The following DMBT1 variants were observed in gnomAD, a reference collection of about 807,000 sequenced individuals.
DMBT1 encodes the protein scavenger receptor cysteine-rich domain-containing protein DMBT1.
Under a neutral mutation model 252.9 loss-of-function variants are expected in DMBT1, and 198 were observed. The observed-to-expected ratio is 0.78, with a 90% confidence interval of 0.70 to 0.88. The LOEUF is 0.88. Ranked by LOEUF, DMBT1 falls within the 40% of genes least tolerant of loss-of-function variation. The probability of loss-of-function intolerance (pLI) is 0.00; values close to 1 mark genes in which losing one functional copy is unlikely to be tolerated. For synonymous variants in DMBT1, 990 were observed against 942.7 expected, an observed-to-expected ratio of 1.05 and a Z score of -0.92; for missense variants, 2,432 against 2,404.7, an observed-to-expected ratio of 1.01 and a Z score of -0.24.
At chr10:122,633,084 G>A in intron 51 of DMBT1, 107 bp from the exon 52 acceptor site, 1 of 1,502,610 alleles carries the variant, frequency 6.7e-7, no homozygotes, top group Non-Finnish European at 8.9e-7. Flanking sequence ...TCTGTCTTGG[G>A]AATTATTTTA....
chr10:122,584,185 A>G lies in DMBT1; in HGVS notation c.1391-137A>G, dbSNP rs1430435816. On this transcript the variant is annotated intron_variant, in intron 13 of 55. Transcript: ENST00000338354. Reference sequence around the variant, plus strand: ...CTCCAAGGAGCATCTCTGTGGGGACATGCATGGCAATGCCCTCCCTCTGTG... The same window carrying G: ...CTCCAAGGAGCATCTCTGTGGGGACGTGCATGGCAATGCCCTCCCTCTGTG... 2.7e-3 allele frequency: 560 copies of G among 208,084 alleles called. 18 individuals carry two copies. In the African/African-American group the frequency reaches 0.038, roughly 14 times the overall value. 12.9% of individuals were successfully genotyped at this position (208,084 alleles called of 1,614,324 possible). A position where few individuals can be genotyped will look rare whatever the true frequency, so the allele number is the denominator to read the frequency against.
chr10:122,590,721 A>T (rs901824765), intron 18 of DMBT1, 27 bp downstream of exon 18: 1 of 1,583,344 alleles, frequency 6.3e-7, no homozygotes, highest in Non-Finnish European at 8.6e-7. Flanking sequence ...CTTCCTTGGG[A>T]TGTCCCTTTT....
rs1218731073 is a variant in DMBT1 at position 122,598,785 on chromosome 10, A to C, written c.2968A>C (p.Ser990Arg). ...GTGTTCCCCTGTAGGATCTGAATCCAGTTTGGCCCTGAGGCTGGTGAATGG... is the reference window on the plus strand; with the variant it reads ...GTGTTCCCCTGTAGGATCTGAATCCCGTTTGGCCCTGAGGCTGGTGAATGG... ...LPASTVGSES[S>R]LALRLVNGGD... The change falls in exon 26 of 56, where the codon AGT (serine) becomes CGT (arginine). Residue 990 changes from serine (S) to arginine (R), a missense_variant. By Grantham distance (110) the Ser-to-Arg change is moderately radical. Coordinates refer to ENST00000338354, the MANE Select transcript of DMBT1 (RefSeq NM_001377530.1). The C allele has an allele frequency of 6.2e-7, 1 of 1,613,104 alleles. No individual in the cohort carries two copies. The highest frequency in any genetic ancestry group is 2.2e-5 in the East Asian group (1 of 44,884).
chr10:122,585,232 C>T (rs923522573), intron 14 of DMBT1, 39 bp from the exon 15 acceptor site: 4 of 1,580,450 alleles, frequency 2.5e-6, no homozygotes, highest in Non-Finnish European at 3.5e-6. Flanking sequence ...TTTTCACCAT[C>T]AACTTTAATT....
chr10:122,630,525 G>T (rs770722141), intron 48 of DMBT1, 35 bp downstream of exon 48: 8 of 1,603,276 alleles, frequency 5.0e-6, no homozygotes, highest in Non-Finnish European at 6.8e-6. Context: ...ATGAGGCTTG[G>T]TGGATTTACC....
At chr10:122,617,712 C>T (rs557111358) in intron 40 of DMBT1, among the ~76,000 whole-genome samples, 1 of 151,790 alleles carries the variant, frequency 6.6e-6, no homozygotes, top group East Asian at 2.0e-4. Flanking sequence ...CATGGGCCTG[C>T]TCTCTGGAGC....
chr10:122,591,439 C>T (rs1207212399), intron 18 of DMBT1, 40 bp from the exon 19 acceptor site: 1 of 1,569,676 alleles, frequency 6.4e-7, no homozygotes, highest in South Asian at 1.2e-5. Flanking sequence ...TTTTCTCCCT[C>T]AACTTTAATT....
intron 15 of DMBT1, 133 bp downstream of exon 15, chr10:122,585,442 G>T: frequency 1.6e-6 from 2 of 1,219,028 alleles, no homozygotes; most frequent in Non-Finnish European, 1.2e-6. Context: ...ATGGGAGGAA[G>T]GTAGAGTCTC....
rs373485754 is a variant in DMBT1, at chr10:122,643,169, G to A, written c.7400G>A (p.Arg2467His). 6.2e-5 allele frequency: 100 copies of A among 1,613,814 alleles called. No individual in the cohort carries two copies. The highest frequency in any genetic ancestry group is 1.0e-4 in the Admixed American group (6 of 59,994). The change falls in exon 56 of 56, where the codon CGC becomes CAC. Residue 2467 changes from arginine to histidine, a missense_variant. Coordinates refer to ENST00000338354, the MANE Select transcript of DMBT1 (RefSeq NM_001377530.1). Reference sequence around the variant, plus strand: ...GGACCCTACTCCTCGCCATCTCTTCGCATTGCCCGCTTCCGGTTCAGGGCC... The same window carrying A: ...GGACCCTACTCCTCGCCATCTCTTCACATTGCCCGCTTCCGGTTCAGGGCC... The part of the protein sequence containing the change: ...TYGPYSSPSL[R>H]IARFRFRAFH...
rs2097688417 is a variant in DMBT1, at chr10:122,573,869, G to T, written c.283+107G>T. The T allele has an allele frequency of 9.3e-6, 13 of 1,401,894 alleles. No individual in the cohort carries two copies. The South Asian group carries it at 1.3e-4, about 14-fold the overall frequency. The allele number at this position is 1,401,894 out of a possible 1,614,324, so 86.8% of individuals were successfully genotyped here. A position where few individuals can be genotyped will look rare whatever the true frequency, so the allele number is the denominator to read the frequency against. ...GAGGGCATAGAAAGTAGGGTGCTTA[G>T]CTCCCACGAGGGGCCCTTCCACAAA... is the stretch of plus-strand genomic sequence containing the variant. On this transcript the variant is annotated intron_variant, in intron 6 of 55. Transcript: ENST00000338354.
In DMBT1 at chr10:122,593,558, CT is replaced by C. The variant is rs755663192; in HGVS notation, c.2501-8del. ...TGTTCCTGATCTGACCTTCTCTTCT[CT>C]TTCTCACAGTTTCCCAGTCCCGGCC... On this transcript the variant is annotated splice_polypyrimidine_tract_variant and intron_variant, in intron 20 of 55. Coordinates refer to ENST00000338354, the MANE Select transcript of DMBT1 (RefSeq NM_001377530.1). 6.3e-7 allele frequency: 1 copy of C among 1,586,526 alleles called. No individual in the cohort carries two copies. The highest frequency in any genetic ancestry group is 8.6e-7 in the Non-Finnish European group (1 of 1,164,888).
At chr10:122,585,929 T>TTATTCA in intron 15 of DMBT1, 131 bp from the exon 16 acceptor site, 3 of 1,497,178 alleles carry the variant, frequency 2.0e-6, no homozygotes, top group Non-Finnish European at 2.7e-6. Context: ...ATCTCTGGTT[T>TTATTCA]TATTCATATT....
At chr10:122,625,149 A>G (rs879115383) in intron 44 of DMBT1, 128 bp from the exon 45 acceptor site, 2 of 855,548 alleles carry the variant, frequency 2.3e-6, no homozygotes, top group Non-Finnish European at 3.9e-6. Context: ...TATATCTACT[A>G]TTCCACTCTC....
rs573705971 is a variant in DMBT1 at position 122,600,201 on chromosome 10, T to C, written c.3310+108T>C. 83 of 1,431,502 alleles carry C rather than the reference T, an allele frequency of 5.8e-5. 8 individuals are homozygous for C. The African/African-American group carries it at 8.2e-4, about 14-fold the overall frequency. 88.7% of individuals were successfully genotyped at this position (1,431,502 alleles called of 1,614,324 possible). ...TTCTCTGTGTGGATACTGTGGGGCA[T>C]ATTATTTCTACCCCCAACACCAGTT... is the stretch of plus-strand genomic sequence containing the variant. On this transcript the variant is annotated intron_variant, in intron 27 of 55. Transcript: ENST00000338354.
At chr10:122,574,010 G>A (rs187793854) in intron 6 of DMBT1, among the ~76,000 whole-genome samples, 1 of 152,162 alleles carries the variant, frequency 6.6e-6, no homozygotes, top group East Asian at 1.9e-4. Context: ...TCTGTCTCTA[G>A]AGATTCTGTT....
At chr10:122,621,460 C>G in intron 44 of DMBT1, 80 bp downstream of exon 44, 1 of 1,594,608 alleles carries the variant, frequency 6.3e-7, no homozygotes, top group Non-Finnish European at 8.5e-7. Flanking sequence ...TTCTGATCTC[C>G]TCACTCAAAG....
At chr10:122,580,689 C>T (rs575573588) in intron 10 of DMBT1, among the ~76,000 whole-genome samples, 177 bp from the exon 11 acceptor site, 12 of 152,174 alleles carry the variant, frequency 7.9e-5, no homozygotes, top group Admixed American at 5.2e-4. Context: ...ACAGGATCTG[C>T]CTCGACCCCT....
In DMBT1 at chr10:122,643,245, G is replaced by T; in HGVS notation, c.7476G>T (p.Val2492=). 6.2e-7 allele frequency: 1 copy of T among 1,613,954 alleles called. No individual in the cohort carries two copies. The highest frequency in any genetic ancestry group is 8.5e-7 in the Non-Finnish European group (1 of 1,179,888). The change falls in exon 56 of 56, where the codon GTG becomes GTT. Residue 2492 remains valine, a synonymous_variant. Coordinates refer to ENST00000338354, the MANE Select transcript of DMBT1 (RefSeq NM_001377530.1). ...CCGTGTACCTGCGTTGTAAAATGGT[G>T]GTGTGCAGAGCGTATGACCCCTCTT... ...FPSVYLRCKM[V]VCRAYDPSSR... is the part of the protein sequence containing the mutation.
chr10:122,637,940 A>G (rs572106554), intron 54 of DMBT1, among the ~76,000 whole-genome samples: 18 of 152,132 alleles, frequency 1.2e-4, no homozygotes, highest in Admixed American at 1.1e-3. Context: ...TCCCTTCTCT[A>G]CAGGCTTGAA....
Sources: allele counts gnomAD v4.1 joint callset (sites outside exome capture counted in the v4.1 genomes callset), GRCh38; gene constraint gnomAD v4.1.1; transcripts MANE v1.5; gene names NCBI Gene and HGNC (gene_info 2026-07-23, HGNC 2026-07-21).